The following LZTFL1 variants were observed in gnomAD, a reference collection of about 807,000 sequenced individuals.
LZTFL1 encodes leucine zipper transcription factor like 1.
Under a neutral mutation model 45.9 loss-of-function variants are expected in LZTFL1, and 25 were observed. The observed-to-expected ratio is 0.54, with a 90% confidence interval of 0.40 to 0.76. LZTFL1 has a LOEUF of 0.76. Ranked by LOEUF, LZTFL1 falls within the 30% of genes least tolerant of loss-of-function variation. The pLI is 0.00. For synonymous variants in LZTFL1, 93 were observed against 117.4 expected, an observed-to-expected ratio of 0.79 and a Z score of 1.35; for missense variants, 277 against 331.1, an observed-to-expected ratio of 0.84 and a Z score of 1.27.
chr3:45,835,956 CAATT>C (rs1385428777), intron 2 of LZTFL1, among the ~76,000 whole-genome samples, 172 bp from the exon 3 acceptor site: 3 of 152,160 alleles, frequency 2.0e-5, no homozygotes, highest in African/African-American at 7.2e-5. Flanking sequence ...AATTTAAACT[CAATT>C]AATTTTTGAC....
rs1559426709 is a variant in LZTFL1 at position 45,900,973 on chromosome 3, G to C, written c.-215+12147C>G. 1 of 1,614,208 alleles carries C rather than the reference G, an allele frequency of 6.2e-7. No homozygotes were observed. Among genetic ancestry groups the C allele is most frequent in the Non-Finnish European group, 8.5e-7 (1 of 1,180,022 alleles). ...TTGTACTGGCTCGTGTTCATCGTGG[G>C]TGCCTTGGGCAACAGTCTTGTTATC... On this transcript the variant is annotated intron_variant, in intron 2 of 4. Transcript: ENST00000472635. The surrounding 1 kb of genome is among the most constrained non-coding windows in gnomAD (Gnocchi z 4.7).
upstream of LZTFL1, among the ~76,000 whole-genome samples, chr3:45,843,576 C>T (rs1386824005): frequency 1.3e-5 from 2 of 152,148 alleles, no homozygotes; most frequent in Admixed American, 6.5e-5. Context: ...ATGAAAGGAG[C>T]GTGTGTATAA....
chr3:45,883,981 A>T (rs1001087280), intron 2 of LZTFL1: 1 of 317,386 alleles, frequency 3.2e-6, no homozygotes, highest in Non-Finnish European at 6.3e-6. Context: ...GCTGCACTCC[A>T]CGCCATTCTG....
rs138230559 is a variant in LZTFL1, at chr3:45,842,023, C to T, written c.-32G>A. On this transcript the variant is annotated 5_prime_UTR_variant, in exon 1 of 10. Coordinates refer to ENST00000296135, the MANE Select transcript of LZTFL1 (RefSeq NM_020347.4). ...AGGCAGCGGCGGCAGCCTAAAGGAACGGGAGAGGCCAGGCGGTGCCCCGCC... is the reference window on the plus strand; with the variant it reads ...AGGCAGCGGCGGCAGCCTAAAGGAATGGGAGAGGCCAGGCGGTGCCCCGCC... The T allele has an allele frequency of 1.8e-3, 2,862 of 1,606,500 alleles. 51 individuals are homozygous for T. The African/African-American group carries it at 0.032, about 18-fold the overall frequency.
intron 4 of LZTFL1, chr3:45,854,975 T>G (rs1196345899): frequency 4.5e-5 from 68 of 1,517,668 alleles, no homozygotes; most frequent in Non-Finnish European, 5.6e-5. Context: ...CAGATGCGCT[T>G]GTCAACTTAC....
At chr3:45,889,155 T>C (rs557076719) in intron 2 of LZTFL1, among the ~76,000 whole-genome samples, 1 of 152,072 alleles carries the variant, frequency 6.6e-6, no homozygotes, top group Non-Finnish European at 1.5e-5. Flanking sequence ...TGGCATATTT[T>C]TAAATTTTTT....
intron 1 of LZTFL1, among the ~76,000 whole-genome samples, chr3:45,914,752 T>C (rs1211759096): frequency 6.6e-6 from 1 of 152,196 alleles, no homozygotes; most frequent in Non-Finnish European, 1.5e-5. Flanking sequence ...GAAACTTTCA[T>C]AACCAAAGAA....
intron 2 of LZTFL1, among the ~76,000 whole-genome samples, chr3:45,873,415 C>T (rs754994602): frequency 5.3e-5 from 8 of 152,148 alleles, no homozygotes; most frequent in Non-Finnish European, 8.8e-5. Flanking sequence ...TCTCCATCAG[C>T]CTTACTTGCC....
chr3:45,841,926 G>C, intron 1 of LZTFL1, 63 bp downstream of exon 1: 1 of 1,588,794 alleles, frequency 6.3e-7, no homozygotes, highest in Non-Finnish European at 8.6e-7. Flanking sequence ...CCCGCTCAGT[G>C]TCTCCAGCCC....
chr3:45,873,124 C>T (rs1289571420), intron 2 of LZTFL1, among the ~76,000 whole-genome samples: 1 of 152,200 alleles, frequency 6.6e-6, no homozygotes, highest in Admixed American at 6.5e-5. Flanking sequence ...GTTCTAATTT[C>T]CCCACTGCTA....
chr3:45,830,988 A>T lies in LZTFL1; in HGVS notation c.525T>A (p.Ala175=). ...TTGACTTTTCATCCAGTGCATTTGT[A>T]GCCTATAGTGAAGTTTAAACAAAAC... ...KSRLKTIEIQ[A]TNALDEKSKL... Residue 175 remains alanine, a splice_region_variant and synonymous_variant, in exon 7 of 10, where the codon GCT becomes GCA. Transcript: ENST00000296135. The T allele has an allele frequency of 6.2e-7, 1 of 1,613,750 alleles. No homozygotes were observed. The highest frequency in any genetic ancestry group is 8.5e-7 in the Non-Finnish European group (1 of 1,179,682).
intron 2 of LZTFL1, among the ~76,000 whole-genome samples, chr3:45,872,582 C>A (rs1701687412): frequency 6.6e-6 from 1 of 152,140 alleles, no homozygotes. Flanking sequence ...TTACTGGGCC[C>A]CATCCGTAGG....
intron 2 of LZTFL1, chr3:45,884,182 A>G (rs1375082809): frequency 6.6e-6 from 1 of 152,602 alleles, no homozygotes; most frequent in Non-Finnish European, 1.5e-5. Context: ...TGAGAATGCA[A>G]GAGAGAAATA....
At position 45,828,613 on chromosome 3, in the gene LZTFL1, A is replaced by G; in HGVS notation, c.603T>C (p.Asp201=). 1.2e-6 allele frequency: 2 copies of G among 1,601,968 alleles called. No homozygotes were observed. Among genetic ancestry groups the G allele is most frequent in the Admixed American group, 1.8e-5 (1 of 56,510 alleles). ...TACTTAAGTCTTGGGCCTTTATAAA[A>G]TCCTATGAAAAATAAATGCATGCAT... is the stretch of plus-strand genomic sequence containing the variant. The part of the protein sequence containing the change: ...DLQLDQGNQK[D]FIKAQDLSNL... The change falls in exon 8 of 10, where the codon GAT becomes GAC. Residue 201 remains aspartate (D), a splice_region_variant and synonymous_variant. Transcript: ENST00000296135.
rs758541997 is a variant in LZTFL1 at position 45,901,920 on chromosome 3, G to T, written c.-215+11200C>A. On this transcript the variant is annotated intron_variant, in intron 2 of 4. Coordinates refer to the LZTFL1 transcript ENST00000472635. This position sits in a 1 kb window ranked among gnomAD's most constrained non-coding sequence, Gnocchi z 4.3. The stretch of plus-strand genomic sequence containing the variant: ...CTGAGGGGTCTTCTCTGAGGTGCAT[G>T]GTTCTTTTGGAAGAAATGAGAAATA... 1.3e-6 allele frequency: 2 copies of T among 1,531,606 alleles called. No homozygotes were observed. Among genetic ancestry groups the T allele is most frequent in the Non-Finnish European group, 1.8e-6 (2 of 1,138,530 alleles). The allele number at this position is 1,531,606 out of a possible 1,614,324, so 94.9% of individuals were successfully genotyped here. A position where few individuals can be genotyped will look rare whatever the true frequency, so the allele number is the denominator to read the frequency against.
intron 2 of LZTFL1, among the ~76,000 whole-genome samples, chr3:45,863,123 C>CA (rs1379437252): frequency 6.6e-6 from 1 of 152,198 alleles, no homozygotes; most frequent in African/African-American, 2.4e-5. Context: ...AGAAGAAACT[C>CA]ATTCGAGGCA....
intron 2 of LZTFL1, among the ~76,000 whole-genome samples, chr3:45,870,159 G>C (rs1407033551): frequency 1.3e-5 from 2 of 152,214 alleles, no homozygotes; most frequent in Non-Finnish European, 2.9e-5. Context: ...GAGGGGCAGG[G>C]TAGCATGTTA....
At position 45,850,150 on chromosome 3, in the gene LZTFL1, T is replaced by G. The variant is rs1023405651; in HGVS notation, c.-49+4836A>C. Among the ~76,000 whole-genome samples, 6 of 152,350 alleles carry G rather than the reference T, an allele frequency of 3.9e-5. No individual in the cohort carries two copies. The South Asian group carries it at 1.2e-3, about 32-fold the overall frequency. On this transcript the variant is annotated intron_variant, in intron 4 of 4. Transcript: ENST00000472635. Reference sequence around the variant, plus strand: ...TTAAAACCTTCTACAATGTGAGTAATTATAGTTTAATTGATTGCATATTTA... The same window carrying G: ...TTAAAACCTTCTACAATGTGAGTAAGTATAGTTTAATTGATTGCATATTTA...
intron 2 of LZTFL1, among the ~76,000 whole-genome samples, chr3:45,904,254 C>T (rs905803828): frequency 2.1e-4 from 32 of 152,216 alleles, no homozygotes; most frequent in African/African-American, 7.7e-4. Context: ...ATATGTACTT[C>T]ATGTGTCAGA....
Sources: allele counts gnomAD v4.1 joint callset (sites outside exome capture counted in the v4.1 genomes callset), GRCh38; gene constraint gnomAD v4.1.1; non-coding constraint Gnocchi (gnomAD v3.1); transcripts MANE v1.5; gene names NCBI Gene and HGNC (gene_info 2026-07-23, HGNC 2026-07-21).